Variants in SLC25A47 observed in about 807,000 individuals in gnomAD.
SLC25A47 encodes solute carrier family 25 member 47, also known as HCC-down-regulated mitochondrial carrier protein.
Under a neutral mutation model 29.8 loss-of-function variants are expected in SLC25A47, and 30 were observed. That is an observed-to-expected ratio of 1.01 (90% CI 0.75 to 1.36). The LOEUF (loss-of-function observed/expected upper bound fraction) is 1.36, where lower values mean the gene tolerates loss of function less well. Ranked by LOEUF, SLC25A47 falls within the 40% of genes most tolerant of loss-of-function variation. The pLI, the probability that SLC25A47 is intolerant of heterozygous loss-of-function variation, is 0.00. For missense variants in SLC25A47, 430 were observed against 441.9 expected (o/e 0.97, Z 0.24); for synonymous variants, 204 against 197.8 (o/e 1.03, Z -0.26).
Position 100,330,109 on chromosome 14 carries a change from C to T in SLC25A47, c.*464C>T, listed in dbSNP as rs1158883962. ...GGGGCTTCCCACAGGCTGGGGGCCT[C>T]GGGGCGGGGAGCATGAGCTGGGCTG... On this transcript the variant is annotated 3_prime_UTR_variant, in exon 6 of 6. Coordinates refer to ENST00000361529, the MANE Select transcript of SLC25A47 (RefSeq NM_207117.4). The T allele has an allele frequency of 3.6e-5, 6 of 168,406 alleles. No individual in the cohort carries two copies. The highest frequency in any genetic ancestry group is 5.6e-5 in the Admixed American group (1 of 18,010). The allele number at this position is 168,406 out of a possible 1,614,324, so 10.4% of individuals were successfully genotyped here.
intron 1 of SLC25A47, among the ~76,000 whole-genome samples, chr14:100,324,937 G>T (rs887687542): frequency 5.3e-5 from 8 of 152,174 alleles, no homozygotes; most frequent in African/African-American, 1.9e-4. Context: ...GTATGGGAGG[G>T]TTAAGAAGGG....
At chr14:100,327,822 C>G (rs34184867) in intron 4 of SLC25A47, among the ~76,000 whole-genome samples, 53,877 of 152,254 alleles carry the variant, frequency 0.35, 11,885 homozygotes, top group South Asian at 0.66. Context: ...CCCTTGCTCC[C>G]GCAGGGGAGA....
chr14:100,328,275 C>A (rs184376853), intron 4 of SLC25A47, among the ~76,000 whole-genome samples: 40 of 152,232 alleles, frequency 2.6e-4, no homozygotes, highest in African/African-American at 8.9e-4. Flanking sequence ...CCAAGCCCGG[C>A]TAATTTTTGT....
chr14:100,327,738 A>T (rs1404877161), intron 4 of SLC25A47, among the ~76,000 whole-genome samples: 1 of 152,242 alleles, frequency 6.6e-6, no homozygotes, highest in Admixed American at 6.5e-5. Context: ...ACAGTCGGCC[A>T]TTGCTGGATG....
chr14:100,326,456 G>A (rs982309887), intron 3 of SLC25A47, among the ~76,000 whole-genome samples: 3 of 152,218 alleles, frequency 2.0e-5, no homozygotes, highest in African/African-American at 7.2e-5. Flanking sequence ...GGGTCTAGAG[G>A]TAGCGTTCAG....
At position 100,330,376 on chromosome 14, in the gene SLC25A47, TCAGGG is replaced by T. The variant is rs1248876922; in HGVS notation, c.*733_*737del. On this transcript the variant is annotated 3_prime_UTR_variant, in exon 6 of 6. Coordinates refer to ENST00000361529, the MANE Select transcript of SLC25A47 (RefSeq NM_207117.4). ...GTCAATAAAATGTTTCTGAGGATGTTCAGGGCTGTGGCTCCATGGCCGTGGGCTGA... is the reference window on the plus strand; with the variant it reads ...GTCAATAAAATGTTTCTGAGGATGTTCTGTGGCTCCATGGCCGTGGGCTGA... 1.3e-5 allele frequency: 2 copies of T among 153,156 alleles called. No homozygotes were observed. The highest frequency in any genetic ancestry group is 4.8e-5 in the African/African-American group (2 of 41,480). 9.5% of individuals were successfully genotyped at this position (153,156 alleles called of 1,614,324 possible).
In SLC25A47 at chr14:100,325,844, C is replaced by A. The variant is rs750360511; in HGVS notation, c.72+13C>A. On this transcript the variant is annotated intron_variant, in intron 2 of 5. Coordinates refer to ENST00000361529, the MANE Select transcript of SLC25A47 (RefSeq NM_207117.4). ...GGACACGGTGAAGGTGCGGCAATAGCCAGCCCCCCAACCATCCTAAGGCCC... is the reference window on the plus strand; with the variant it reads ...GGACACGGTGAAGGTGCGGCAATAGACAGCCCCCCAACCATCCTAAGGCCC... 12 of 1,610,054 alleles carry A rather than the reference C, an allele frequency of 7.5e-6. No homozygotes were observed. Among genetic ancestry groups the A allele is most frequent in the Non-Finnish European group, 5.1e-6 (6 of 1,178,100 alleles).
chr14:100,323,585 G>A (rs1255815150), intron 1 of SLC25A47, 143 bp downstream of exon 1: 7 of 999,072 alleles, frequency 7.0e-6, no homozygotes, highest in Admixed American at 6.4e-5. Flanking sequence ...CAGAGAGCAG[G>A]TTCCTGGGAG....
intron 4 of SLC25A47, among the ~76,000 whole-genome samples, chr14:100,327,773 T>C (rs962602641): frequency 2.6e-5 from 4 of 152,220 alleles, no homozygotes; most frequent in Non-Finnish European, 5.9e-5. Context: ...TCCTCAACTG[T>C]GCATGGAGCA....
chr14:100,329,741 AC>A lies in SLC25A47; in HGVS notation c.*97del. 1 of 1,461,460 alleles carries A rather than the reference AC, an allele frequency of 6.8e-7. No individual in the cohort carries two copies. Among genetic ancestry groups the A allele is most frequent in the South Asian group, 1.3e-5 (1 of 76,882 alleles). 90.5% of individuals were successfully genotyped at this position (1,461,460 alleles called of 1,614,324 possible). On this transcript the variant is annotated 3_prime_UTR_variant, in exon 6 of 6. Coordinates refer to ENST00000361529, the MANE Select transcript of SLC25A47 (RefSeq NM_207117.4). ...GTAGTGTGGCTGGGTTCGGGACCCC[AC>A]AGGGCCATTGCCCAGGAGAATGAGG...
intron 3 of SLC25A47, 48 bp downstream of exon 3, chr14:100,326,276 G>A (rs1430454224): frequency 6.4e-7 from 1 of 1,560,358 alleles, no homozygotes. Context: ...AGGGGATGCT[G>A]GGCCTGCCTC....
At chr14:100,325,720 C>G in intron 1 of SLC25A47, 68 bp from the exon 2 acceptor site, 2 of 1,530,384 alleles carry the variant, frequency 1.3e-6, no homozygotes, top group Non-Finnish European at 1.8e-6. Flanking sequence ...GCTTCTGCTT[C>G]CCTGCAATGG....
At chr14:100,327,570 G>T (rs1451529392) in intron 4 of SLC25A47, among the ~76,000 whole-genome samples, 200 bp downstream of exon 4, 1 of 152,172 alleles carries the variant, frequency 6.6e-6, no homozygotes, top group Admixed American at 6.5e-5. Context: ...CAGATGAGGG[G>T]GTCGCTGCTG....
intron 1 of SLC25A47, 53 bp from the exon 2 acceptor site, chr14:100,325,735 G>A (rs778477416): frequency 5.7e-6 from 9 of 1,586,280 alleles, no homozygotes; most frequent in South Asian, 2.3e-5. Context: ...CAATGGGGTT[G>A]AACTGCTCGC....
At chr14:100,327,714 G>A (rs1303882971) in intron 4 of SLC25A47, among the ~76,000 whole-genome samples, 1 of 152,228 alleles carries the variant, frequency 6.6e-6, no homozygotes, top group South Asian at 2.1e-4. Context: ...CTCCAGGCAC[G>A]GAGATGCCTG....
intron 3 of SLC25A47, among the ~76,000 whole-genome samples, chr14:100,326,864 C>T (rs1462942544): frequency 1.3e-5 from 2 of 152,100 alleles, no homozygotes; most frequent in East Asian, 3.9e-4. Flanking sequence ...ATCGCAGTGG[C>T]TCAGGAGGCT....
In SLC25A47 at chr14:100,328,736, C is replaced by G; in HGVS notation, c.338C>G (p.Thr113Arg). ...CASGLVRVFL[T>R]SPTEVAKVRL... ...CCTTCTCTGCTCCAGGTGTTCCTGA[C>G]GTCGCCCACTGAGGTGGCCAAAGTC... is the stretch of plus-strand genomic sequence containing the variant. Residue 113 changes from threonine (T) to arginine (R), a missense_variant, in exon 5 of 6, where the codon ACG (threonine) becomes AGG (arginine). By Grantham distance (71) the Thr-to-Arg change is moderately conservative (BLOSUM62 -1). Transcript: ENST00000361529. The G allele has an allele frequency of 1.2e-6, 2 of 1,612,984 alleles. No individual in the cohort carries two copies. Among genetic ancestry groups the G allele is most frequent in the African/African-American group, 1.3e-5 (1 of 75,066 alleles).
chr14:100,324,293 T>C (rs1893299946), intron 1 of SLC25A47, among the ~76,000 whole-genome samples: 3 of 152,110 alleles, frequency 2.0e-5, no homozygotes, highest in Admixed American at 6.5e-5. Flanking sequence ...GGCGTGATCT[T>C]GGCTCACTGC....
intron 3 of SLC25A47, 102 bp from the exon 4 acceptor site, chr14:100,327,086 C>G: frequency 2.5e-6 from 3 of 1,178,670 alleles, no homozygotes; most frequent in Non-Finnish European, 3.5e-6. Flanking sequence ...ATGACCTTCC[C>G]GAGGTCCGAC....
Sources: allele counts gnomAD v4.1 joint callset (sites outside exome capture counted in the v4.1 genomes callset), GRCh38; gene constraint gnomAD v4.1.1; transcripts MANE v1.5; gene names NCBI Gene and HGNC (gene_info 2026-07-23, HGNC 2026-07-21).